PIK3C2A: variants seen among roughly 807,000 people sequenced by gnomAD.
The protein encoded by PIK3C2A is phosphatidylinositol 4-phosphate 3-kinase C2 domain-containing subunit alpha.
A neutral mutation model predicts 204.5 loss-of-function variants in PIK3C2A; 97 were observed. The observed-to-expected ratio is 0.47, with a 90% CI of 0.40 to 0.56. PIK3C2A has a LOEUF of 0.56. Among genes scored for constraint, PIK3C2A ranks in the 20% least tolerant of loss-of-function variants. The pLI, the probability that PIK3C2A is intolerant of heterozygous loss-of-function variation, is 0.00. For synonymous variants in PIK3C2A, 653 were observed against 664.4 expected (o/e 0.98, Z 0.26); for missense variants, 1,735 against 1,969.2 (o/e 0.88, Z 2.25).
At chr11:17,124,457 C>CT (rs397849773) in intron 13 of PIK3C2A, among the ~76,000 whole-genome samples, 18,082 of 138,294 alleles carry the variant, frequency 0.13, 1,582 homozygotes, top group African/African-American at 0.24. Flanking sequence ...ATTTGGATGT[C>CT]TTTTTTTTTT....
chr11:17,150,894 A>C (rs955312603), intron 3 of PIK3C2A, among the ~76,000 whole-genome samples: 6 of 152,282 alleles, frequency 3.9e-5, no homozygotes, highest in African/African-American at 1.4e-4. Context: ...CTTTGGTAAC[A>C]TTATCAACAC....
At position 17,119,826 on chromosome 11, in the gene PIK3C2A, C is replaced by G; in HGVS notation, c.2806G>C (p.Ala936Pro). 6.2e-7 allele frequency: 1 copy of G among 1,602,168 alleles called. No individual in the cohort carries two copies. The highest frequency in any genetic ancestry group is 1.1e-5 in the South Asian group (1 of 88,700). The change falls in exon 16 of 33, where the codon GCA (alanine) becomes CCA (proline). Residue 936 changes from alanine (A) to proline (P), a missense_variant. By Grantham distance (27) the Ala-to-Pro change is conservative. Coordinates refer to ENST00000691414, the MANE Select transcript of PIK3C2A (RefSeq NM_002645.4). The part of the protein sequence containing the change: ...KTYSLLHQWP[A>P]LYPLIALELL... ...TCCAATGCAATTAGTGGGTACAATG[C>G]AGGCCACTGGTGAAGCAATGAGTAA... is the stretch of plus-strand genomic sequence containing the variant.
chr11:17,133,927 C>CA lies in PIK3C2A; in HGVS notation c.2108+891dup, dbSNP rs1009962086. 2.7e-3 allele frequency among the ~76,000 whole-genome samples: 391 copies of CA among 145,104 alleles called. 1 individual carries two copies. The highest frequency in any genetic ancestry group is 6.4e-3 in the African/African-American group (254 of 39,592). Reference sequence around the variant, plus strand: ...TGGGCAACAATGCAAGACTCCATCTCAAAAAAAAAAATAATAATAATGAAC... The same window carrying CA: ...TGGGCAACAATGCAAGACTCCATCTCAAAAAAAAAAAATAATAATAATGAAC... On this transcript the variant is annotated intron_variant, in intron 11 of 32. Transcript: ENST00000691414.
At chr11:17,118,008 C>A (rs149874911) in intron 18 of PIK3C2A, among the ~76,000 whole-genome samples, 235 of 150,308 alleles carry the variant, frequency 1.6e-3, no homozygotes, top group African/African-American at 5.5e-3. Context: ...CCACCATGCC[C>A]GGCCATGTTA....
chr11:17,113,781 C>CCAAAAAAA (rs1555018790), intron 20 of PIK3C2A, among the ~76,000 whole-genome samples: 1 of 76,952 alleles, frequency 1.3e-5, no homozygotes. Flanking sequence ...GACTCCATCT[C>CCAAAAAAA]AAAAAAAAAA....
At chr11:17,100,614 G>C (rs1392994228) in intron 25 of PIK3C2A, among the ~76,000 whole-genome samples, 2 of 152,068 alleles carry the variant, frequency 1.3e-5, no homozygotes, top group Non-Finnish European at 2.9e-5. Flanking sequence ...TGGGCTTTTA[G>C]TGCATCACTT....
chr11:17,103,619 G>C (rs911523362), intron 23 of PIK3C2A, among the ~76,000 whole-genome samples: 2 of 151,370 alleles, frequency 1.3e-5, no homozygotes, highest in Non-Finnish European at 2.9e-5. Context: ...GTGTGTATAT[G>C]TGTGTGTGTG....
chr11:17,163,965 T>C (rs1326510860), intron 2 of PIK3C2A, among the ~76,000 whole-genome samples: 1 of 151,284 alleles, frequency 6.6e-6, no homozygotes, highest in Non-Finnish European at 1.5e-5. Flanking sequence ...AAATTTTAAC[T>C]ATTATTTATG....
chr11:17,181,685 C>CAA (rs1851570988), intron 1 of PIK3C2A, among the ~76,000 whole-genome samples: 3 of 118,494 alleles, frequency 2.5e-5, no homozygotes, highest in East Asian at 4.9e-4. Context: ...CACACACACA[C>CAA]ACACACACAA....
chr11:17,176,881 T>C (rs1213817443), intron 1 of PIK3C2A, among the ~76,000 whole-genome samples: 1 of 152,212 alleles, frequency 6.6e-6, no homozygotes, highest in African/African-American at 2.4e-5. Flanking sequence ...TATCTGCATA[T>C]CTCTATCTAT....
Position 17,089,575 on chromosome 11 carries a change from A to G in PIK3C2A, c.*163T>C. The G allele has an allele frequency of 1.9e-6, 1 of 531,620 alleles. No individual in the cohort carries two copies. The highest frequency in any genetic ancestry group is 3.0e-5 in the East Asian group (1 of 33,148). The allele number at this position is 531,620 out of a possible 1,614,324, so 32.9% of individuals were successfully genotyped here. A position where few individuals can be genotyped will look rare whatever the true frequency, so the allele number is the denominator to read the frequency against. Reference sequence around the variant, plus strand: ...AGTTATGTGACTGTTGGTCCAACAGATGTGTTGAAATGCAGCAAGTATATT... The same window carrying G: ...AGTTATGTGACTGTTGGTCCAACAGGTGTGTTGAAATGCAGCAAGTATATT... On this transcript the variant is annotated 3_prime_UTR_variant, in exon 33 of 33. Transcript: ENST00000691414.
At chr11:17,196,693 C>G (rs931690011) in intron 1 of PIK3C2A, among the ~76,000 whole-genome samples, 3 of 152,086 alleles carry the variant, frequency 2.0e-5, no homozygotes, top group Non-Finnish European at 2.9e-5. Context: ...CCTCAGCCTC[C>G]CGAGTAGCTG....
intron 3 of PIK3C2A, 86 bp downstream of exon 3, chr11:17,155,440 A>C: frequency 1.5e-6 from 1 of 669,542 alleles, no homozygotes; most frequent in East Asian, 2.8e-5. Flanking sequence ...AAATAATTAA[A>C]ATTTTTAAAA....
chr11:17,115,018 G>C (rs1849133325), intron 19 of PIK3C2A, among the ~76,000 whole-genome samples: 1 of 152,066 alleles, frequency 6.6e-6, no homozygotes, highest in Non-Finnish European at 1.5e-5. Flanking sequence ...TGTATATAGA[G>C]GTAATAGTTT....
intron 18 of PIK3C2A, 70 bp downstream of exon 18, chr11:17,118,575 C>G: frequency 1.4e-6 from 1 of 740,112 alleles, no homozygotes; most frequent in Non-Finnish European, 2.4e-6. Flanking sequence ...ACCATTTAGA[C>G]TTACAGGGTA....
chr11:17,091,258 A>T, intron 32 of PIK3C2A, 76 bp downstream of exon 32: 2 of 1,316,404 alleles, frequency 1.5e-6, no homozygotes, highest in Non-Finnish European at 1.1e-6. Flanking sequence ...CATCCTGCTT[A>T]CGCACGTCAG....
chr11:17,204,005 C>T (rs1166953543), intron 1 of PIK3C2A, among the ~76,000 whole-genome samples: 1 of 151,370 alleles, frequency 6.6e-6, no homozygotes, highest in Non-Finnish European at 1.5e-5. Context: ...ACCTGGGAGG[C>T]GGAGCTTGCA....
chr11:17,135,052 T>A, intron 10 of PIK3C2A, 23 bp from the exon 11 acceptor site: 2 of 1,612,016 alleles, frequency 1.2e-6, no homozygotes, highest in East Asian at 4.5e-5. Flanking sequence ...AAAAAAAAGT[T>A]AATAGATTCT....
chr11:17,090,315 A>G (rs1402791350), intron 32 of PIK3C2A, among the ~76,000 whole-genome samples: 1 of 152,048 alleles, frequency 6.6e-6, no homozygotes, highest in African/African-American at 2.4e-5. Context: ...TAAAAATACA[A>G]AATCAGCCAG....
Sources: allele counts gnomAD v4.1 joint callset (sites outside exome capture counted in the v4.1 genomes callset), GRCh38; gene constraint gnomAD v4.1.1; transcripts MANE v1.5; gene names NCBI Gene and HGNC (gene_info 2026-07-23, HGNC 2026-07-21).